ABCA13: variants seen among roughly 807,000 people sequenced by gnomAD.
ABCA13 encodes ATP binding cassette subfamily A member 13, also known as ATP-binding cassette sub-family A member 13.
Under a neutral mutation model 478.7 loss-of-function variants are expected in ABCA13, and 476 were observed. The observed-to-expected ratio is 0.99, with a 90% CI of 0.92 to 1.07. The LOEUF (loss-of-function observed/expected upper bound fraction) is 1.07. Among genes scored for constraint, ABCA13 ranks in the 50% least tolerant of loss-of-function variants. The pLI, the probability that ABCA13 is intolerant of heterozygous loss-of-function variation, is 0.00. For synonymous variants in ABCA13, 2,252 were observed against 2,158.9 expected (o/e 1.04, Z -1.20); for missense variants, 6,060 against 5,910.6 (o/e 1.03, Z -0.83).
At chr7:48,520,721 G>T (rs1272686990) in intron 53 of ABCA13, among the ~76,000 whole-genome samples, 1 of 152,050 alleles carries the variant, frequency 6.6e-6, no homozygotes, top group Non-Finnish European at 1.5e-5. Flanking sequence ...CCCCACAACA[G>T]GCCCCGGTGT....
chr7:48,263,864 T>C lies in ABCA13; in HGVS notation c.2006-5116T>C, dbSNP rs2128728493. Among the ~76,000 whole-genome samples, 3 of 152,000 alleles carry C rather than the reference T, an allele frequency of 2.0e-5. No individual in the cohort carries two copies. The South Asian group carries it at 6.2e-4, about 31-fold the overall frequency. ...TGTAGTAATCACATCCATGTTGACA[T>C]ATACATATATCCATAAAACTGTAAT... On this transcript the variant is annotated intron_variant, in intron 15 of 61. Coordinates refer to ENST00000435803, the MANE Select transcript of ABCA13 (RefSeq NM_152701.5).
At chr7:48,355,297 A>G (rs910895829) in intron 31 of ABCA13, among the ~76,000 whole-genome samples, 1 of 151,948 alleles carries the variant, frequency 6.6e-6, no homozygotes, top group Non-Finnish European at 1.5e-5. Flanking sequence ...GCAGAAGCAC[A>G]AGGGGAAGTG....
intron 31 of ABCA13, among the ~76,000 whole-genome samples, chr7:48,355,312 C>T (rs1584982877): frequency 6.6e-6 from 1 of 151,946 alleles, no homozygotes; most frequent in Admixed American, 6.5e-5. Flanking sequence ...GAAGTGTGTT[C>T]TAGGGCAGAG....
intron 44 of ABCA13, among the ~76,000 whole-genome samples, chr7:48,471,067 A>G (rs2067239658): frequency 6.6e-6 from 1 of 152,236 alleles, no homozygotes; most frequent in African/African-American, 2.4e-5. Context: ...CTGTTGCACA[A>G]TCTTTCTGCA....
rs745795195 is a variant in ABCA13 at position 48,274,096 on chromosome 7, T to C, written c.4430T>C (p.Val1477Ala). ...TDFLNIVLTT[V>A]FEKEKKPKFE... Reference sequence around the variant, plus strand: ...TTTCTAAATATTGTACTTACTACAGTCTTTGAAAAAGAGAAGAAACCTAAA... The same window carrying C: ...TTTCTAAATATTGTACTTACTACAGCCTTTGAAAAAGAGAAGAAACCTAAA... The change falls in exon 17 of 62, where the codon GTC (valine) becomes GCC (alanine). Residue 1477 changes from valine (V) to alanine (A), a missense_variant. By Grantham distance (64) the Val-to-Ala change is moderately conservative. Coordinates refer to ENST00000435803, the MANE Select transcript of ABCA13 (RefSeq NM_152701.5). The C allele has an allele frequency of 1.2e-6, 2 of 1,606,626 alleles. No individual in the cohort carries two copies. Among genetic ancestry groups the C allele is most frequent in the African/African-American group, 2.7e-5 (2 of 74,550 alleles).
intron 26 of ABCA13, among the ~76,000 whole-genome samples, chr7:48,315,162 C>A (rs1802383303): frequency 6.6e-6 from 1 of 152,142 alleles, no homozygotes; most frequent in African/African-American, 2.4e-5. Flanking sequence ...TTGTGAGATG[C>A]AATGGATATG....
chr7:48,502,401 T>G (rs891389769), intron 48 of ABCA13, among the ~76,000 whole-genome samples: 3 of 152,212 alleles, frequency 2.0e-5, no homozygotes, highest in African/African-American at 7.2e-5. Context: ...TGGTTTAAGG[T>G]AAGAAAAGGT....
intron 59 of ABCA13, among the ~76,000 whole-genome samples, chr7:48,630,817 G>GT (rs55908191): frequency 0.73 from 107,491 of 147,392 alleles, 39,206 homozygotes; most frequent in Middle Eastern, 0.78. Flanking sequence ...GCCAGCATCT[G>GT]TTTTTTTTTT....
In ABCA13 at chr7:48,427,715, G is replaced by A. The variant is rs1821617530; in HGVS notation, c.12460-51G>A. ...AATTGAGGCAGAAGAAAAGAAATGC[G>A]ATGTGTATAGAAACATAAAATAATA... is the stretch of plus-strand genomic sequence containing the variant. On this transcript the variant is annotated intron_variant, in intron 41 of 61. Coordinates refer to ENST00000435803, the MANE Select transcript of ABCA13 (RefSeq NM_152701.5). 1.8e-5 allele frequency: 21 copies of A among 1,193,918 alleles called. 1 individual carries two copies. Among genetic ancestry groups the A allele is most frequent in the Middle Eastern group, 1.9e-4 (1 of 5,270 alleles). The allele number at this position is 1,193,918 out of a possible 1,614,324, so 74.0% of individuals were successfully genotyped here.
At chr7:48,308,730 G>A (rs1410230131) in intron 23 of ABCA13, among the ~76,000 whole-genome samples, 1 of 151,740 alleles carries the variant, frequency 6.6e-6, no homozygotes, top group Non-Finnish European at 1.5e-5. Flanking sequence ...ATAGGATGGT[G>A]GTCCCATGAG....
chr7:48,465,968 G>T (rs1826834266), intron 43 of ABCA13, among the ~76,000 whole-genome samples: 2 of 151,876 alleles, frequency 1.3e-5, no homozygotes, highest in Non-Finnish European at 2.9e-5. Context: ...AGGTCACCAG[G>T]TATATCTATA....
chr7:48,377,351 G>A (rs1813661391), intron 35 of ABCA13, among the ~76,000 whole-genome samples: 1 of 152,116 alleles, frequency 6.6e-6, no homozygotes, highest in Non-Finnish European at 1.5e-5. Flanking sequence ...ACACTTTGAT[G>A]GTGGTGTATT....
intron 7 of ABCA13, among the ~76,000 whole-genome samples, chr7:48,230,827 C>A (rs1046468428): frequency 6.6e-6 from 1 of 152,194 alleles, no homozygotes; most frequent in Non-Finnish European, 1.5e-5. Flanking sequence ...ACTCACCAAC[C>A]CACCAACCCA....
At position 48,392,019 on chromosome 7, in the gene ABCA13, G is replaced by A. The variant is rs375511938; in HGVS notation, c.11753G>A (p.Gly3918Asp). Residue 3918 changes from glycine to aspartate, a missense_variant, in exon 38 of 62, where the codon GGT becomes GAT. By Grantham distance (94) the Gly-to-Asp change is moderately conservative (BLOSUM62 -1). This residue lies in a region of ABCA13 where 1,627 missense variants were observed against 1,571.0 expected (regional missense o/e 1.04). Coordinates refer to ENST00000435803, the MANE Select transcript of ABCA13 (RefSeq NM_152701.5). ...CTGTCGAGGGTCAGAATGGAGCTTG[G>A]TGTGTGTCCGCAGCAGGACATCCTG... is the stretch of plus-strand genomic sequence containing the variant. Reference protein sequence around the residue: ...TDLSRVRMELGVCPQQDILLD... With the variant: ...TDLSRVRMELDVCPQQDILLD... 1 of 1,613,992 alleles carries A rather than the reference G, an allele frequency of 6.2e-7. No homozygotes were observed.
chr7:48,382,646 C>T lies in ABCA13; in HGVS notation c.11336-5176C>T, dbSNP rs1220121832. 5.9e-5 allele frequency among the ~76,000 whole-genome samples: 9 copies of T among 152,350 alleles called. 1 individual carries two copies. In the South Asian group the frequency reaches 1.9e-3, roughly 32 times the overall value. The stretch of plus-strand genomic sequence containing the variant: ...TGTATTTTCTGAATCTAGCATCCCT[C>T]CCAGCATCTCTGTCTTTTCATTCTC... On this transcript the variant is annotated intron_variant, in intron 35 of 61. Transcript: ENST00000435803.
intron 59 of ABCA13, among the ~76,000 whole-genome samples, chr7:48,639,487 T>C (rs982201602): frequency 6.6e-6 from 1 of 152,188 alleles, no homozygotes; most frequent in Non-Finnish European, 1.5e-5. Context: ...GCTGTAACAC[T>C]TGTGCTGGAT....
chr7:48,575,982 G>A (rs1788140160), intron 55 of ABCA13, among the ~76,000 whole-genome samples: 2 of 152,130 alleles, frequency 1.3e-5, no homozygotes. Context: ...TACTGAACAT[G>A]TACAGACTTT....
intron 36 of ABCA13, among the ~76,000 whole-genome samples, chr7:48,388,367 T>C (rs1815507889): frequency 6.6e-6 from 1 of 152,220 alleles, no homozygotes; most frequent in African/African-American, 2.4e-5. Flanking sequence ...GCTGGTTTAT[T>C]CAGTGTTCCT....
At position 48,291,658 on chromosome 7, in the gene ABCA13, T is replaced by A. The variant is rs375919687; in HGVS notation, c.8955+3580T>A. On this transcript the variant is annotated intron_variant, in intron 20 of 61. Coordinates refer to ENST00000435803, the MANE Select transcript of ABCA13 (RefSeq NM_152701.5). ...AGCTCCCCCTGTGGTTGCACACTAG[T>A]TCATCCAGGCATGCCCGGGTTATGT... 3.9e-5 allele frequency among the ~76,000 whole-genome samples: 6 copies of A among 152,230 alleles called. No homozygotes were observed. The East Asian group carries it at 7.7e-4, about 20-fold the overall frequency.
Sources: allele counts gnomAD v4.1 joint callset (sites outside exome capture counted in the v4.1 genomes callset), GRCh38; gene constraint gnomAD v4.1.1; regional missense constraint gnomAD v4.1.1; transcripts MANE v1.5; gene names NCBI Gene and HGNC (gene_info 2026-07-23, HGNC 2026-07-21).